Variants in ZNF506 observed in about 807,000 individuals in gnomAD.
ZNF506 encodes the protein zinc finger protein 506.
In ZNF506, 10 loss-of-function variants were observed where a neutral mutation model predicts 11.6. The observed-to-expected ratio is 0.86, with a 90% CI of 0.53 to 1.46. ZNF506 has a LOEUF of 1.46. Ranked by LOEUF, ZNF506 falls within the 40% of genes most tolerant of loss-of-function variation. The pLI is 0.00. For missense variants in ZNF506, 425 were observed against 521.2 expected (o/e 0.82, Z 1.80); for synonymous variants, 156 against 173.3 (o/e 0.90, Z 0.78).
chr19:19,807,067 C>T lies in ZNF506; in HGVS notation c.5G>A (p.Gly2Glu). 2 of 1,613,084 alleles carry T rather than the reference C, an allele frequency of 1.2e-6. No individual in the cohort carries two copies. The highest frequency in any genetic ancestry group is 1.7e-6 in the Non-Finnish European group (2 of 1,179,658). M[G>E]PLQFRDVAIE... ...GGCCACATCTCTAAATTGCAATGGT[C>T]CCTGAAAAAAACACACACACTTATT... Residue 2 changes from glycine to glutamate, a missense_variant and splice_region_variant, in exon 2 of 4, where the codon GGA (glycine) becomes GAA (glutamate). This residue lies in a region of ZNF506 where 226 missense variants were observed against 279.1 expected (regional missense o/e 0.81). Coordinates refer to ENST00000540806, the MANE Select transcript of ZNF506 (RefSeq NM_001099269.3).
intron 3 of ZNF506, among the ~76,000 whole-genome samples, chr19:19,804,925 G>T (rs1313837502): frequency 2.0e-5 from 3 of 151,892 alleles, no homozygotes; most frequent in Non-Finnish European, 2.9e-5. Context: ...ACACACCGGG[G>T]CCTGTCATGG....
At chr19:19,802,204 CAAAAAAAAAA>C (rs34663133) in intron 3 of ZNF506, among the ~76,000 whole-genome samples, 1 of 97,546 alleles carries the variant, frequency 1.0e-5, no homozygotes, top group Admixed American at 1.1e-4. Context: ...GACTCTATCT[CAAAAAAAAAA>C]AAAAAAAAAA....
chr19:19,812,123 TACCA>T (rs1368518198), intron 1 of ZNF506, among the ~76,000 whole-genome samples: 1 of 152,210 alleles, frequency 6.6e-6, no homozygotes, highest in Admixed American at 6.5e-5. Flanking sequence ...CTCATCTGGG[TACCA>T]ACCAAAGACA....
At chr19:19,797,406 A>C (rs1321346603) in intron 3 of ZNF506, 1 of 151,090 alleles carries the variant, frequency 6.6e-6, no homozygotes, top group Non-Finnish European at 1.5e-5. Flanking sequence ...AGATTACGCC[A>C]CTGCACTCCA....
intron 1 of ZNF506, among the ~76,000 whole-genome samples, chr19:19,813,632 A>G (rs538778555): frequency 1.3e-5 from 2 of 152,338 alleles, no homozygotes; most frequent in East Asian, 3.9e-4. Flanking sequence ...AATAGCAAAG[A>G]CACGCACAGG....
chr19:19,802,204 CAAAA>C (rs34663133), intron 3 of ZNF506, among the ~76,000 whole-genome samples: 4 of 97,540 alleles, frequency 4.1e-5, no homozygotes, highest in Non-Finnish European at 4.4e-5. Flanking sequence ...GACTCTATCT[CAAAA>C]AAAAAAAAAA....
intron 3 of ZNF506, among the ~76,000 whole-genome samples, chr19:19,800,299 G>A (rs2145178680): frequency 6.6e-6 from 1 of 151,160 alleles, no homozygotes. Flanking sequence ...ATTGGTAGTT[G>A]TTTAATGTGT....
chr19:19,801,698 G>A (rs527454279), intron 3 of ZNF506, among the ~76,000 whole-genome samples: 12 of 151,274 alleles, frequency 7.9e-5, no homozygotes, highest in Non-Finnish European at 1.6e-4. Flanking sequence ...GGCTGTGGCA[G>A]AAGAATCTCT....
At chr19:19,801,269 T>C (rs1037581763) in intron 3 of ZNF506, among the ~76,000 whole-genome samples, 3 of 152,222 alleles carry the variant, frequency 2.0e-5, no homozygotes, top group East Asian at 1.9e-4. Context: ...GGCGGGTGGA[T>C]TGCCTGAGGT....
intron 1 of ZNF506, among the ~76,000 whole-genome samples, chr19:19,808,527 A>G (rs1490459229): frequency 6.6e-6 from 1 of 151,788 alleles, no homozygotes; most frequent in East Asian, 1.9e-4. Flanking sequence ...AAAGTAAATT[A>G]TAGTCTGAAT....
chr19:19,806,188 T>G (rs1438339955), intron 2 of ZNF506, 62 bp from the exon 3 acceptor site: 1 of 1,236,568 alleles, frequency 8.1e-7, no homozygotes, highest in Non-Finnish European at 1.1e-6. Context: ...AAGCTAGTAC[T>G]GTGCTCAGCA....
Position 19,821,731 on chromosome 19 carries a change from T to C in ZNF506, c.-128A>G, listed in dbSNP as rs966744266. ...GCAGTGAAGACGATAGCTGGATCTC[T>C]GGCGTCAGCGAGAGACAATGGGCCC... On this transcript the variant is annotated 5_prime_UTR_variant, in exon 1 of 4. Transcript: ENST00000540806. 7 of 1,256,470 alleles carry C rather than the reference T, an allele frequency of 5.6e-6. No individual in the cohort carries two copies. The highest frequency in any genetic ancestry group is 2.0e-4 in the Middle Eastern group (1 of 5,120). 77.8% of individuals were successfully genotyped at this position (1,256,470 alleles called of 1,614,324 possible).
At chr19:19,812,653 T>C (rs543653492) in intron 1 of ZNF506, among the ~76,000 whole-genome samples, 15 of 152,374 alleles carry the variant, frequency 9.8e-5, no homozygotes, top group African/African-American at 3.6e-4. Flanking sequence ...GTTAGTTTTC[T>C]GTACATTCTC....
intron 3 of ZNF506, chr19:19,798,228 T>G (rs1336076428): frequency 2.6e-5 from 4 of 152,154 alleles, no homozygotes; most frequent in Non-Finnish European, 4.4e-5. Context: ...GTAAAATCAA[T>G]AACAAATGTG....
chr19:19,808,767 C>T (rs951841111), intron 1 of ZNF506, among the ~76,000 whole-genome samples: 14 of 141,358 alleles, frequency 9.9e-5, no homozygotes, highest in African/African-American at 3.2e-4. Context: ...TGTTTGACCC[C>T]GGGAGGTGAA....
chr19:19,815,185 G>A lies in ZNF506; in HGVS notation c.3+6416C>T, dbSNP rs570845984. On this transcript the variant is annotated intron_variant, in intron 1 of 3. Coordinates refer to ENST00000540806, the MANE Select transcript of ZNF506 (RefSeq NM_001099269.3). ...TGAGACAGGAGAATGGCGTGAACCC[G>A]GGAGGCGGAGCCTGCAGTGAGCCGA... Among the ~76,000 whole-genome samples the A allele has an allele frequency of 1.4e-4, 22 of 152,262 alleles. 1 individual carries two copies. Among genetic ancestry groups the A allele is most frequent in the Middle Eastern group, 3.4e-3 (1 of 294 alleles).
In ZNF506 at chr19:19,794,950, A is replaced by T. The variant is rs1463761231; in HGVS notation, c.937T>A (p.Tyr313Asn). ...HEIIHTGEKP[Y>N]KCEECGKAFN... ...GCTTTGCCACATTCCTCACATTTGT[A>T]GGGTTTCTCTCCAGTATGAATTATC... The change falls in exon 4 of 4, where the codon TAC (tyrosine) becomes AAC (asparagine). Residue 313 changes from tyrosine (Y) to asparagine (N), a missense_variant. By Grantham distance (143) the Tyr-to-Asn change is moderately radical (BLOSUM62 -2). This residue lies in a region of ZNF506 where 192 missense variants were observed against 215.7 expected (regional missense o/e 0.89). Coordinates refer to ENST00000540806, the MANE Select transcript of ZNF506 (RefSeq NM_001099269.3). 4 of 1,613,926 alleles carry T rather than the reference A, an allele frequency of 2.5e-6. No homozygotes were observed.
intron 3 of ZNF506, among the ~76,000 whole-genome samples, chr19:19,801,201 A>G (rs557933939): frequency 9.2e-5 from 14 of 151,850 alleles, no homozygotes; most frequent in African/African-American, 3.4e-4. Flanking sequence ...ACAAAACAAA[A>G]AAAACCTGGC....
At chr19:19,802,889 A>T (rs1032054613) in intron 3 of ZNF506, among the ~76,000 whole-genome samples, 2 of 152,186 alleles carry the variant, frequency 1.3e-5, no homozygotes, top group Non-Finnish European at 2.9e-5. Context: ...TTATGAGAAA[A>T]CCAGGCATTA....
Sources: gnomAD v4.1 joint callset for allele counts (sites outside exome capture counted in the v4.1 genomes callset) on GRCh38, gnomAD v4.1.1 for gene constraint, gnomAD v4.1.1 regional missense constraint, MANE v1.5 for transcripts, NCBI Gene and HGNC (gene_info 2026-07-23, HGNC 2026-07-21) for gene names.